The following ARHGAP24 variants were observed in gnomAD, a reference collection of about 807,000 sequenced individuals.
ARHGAP24 encodes rho GTPase-activating protein 24.
A neutral mutation model predicts 76.4 loss-of-function variants in ARHGAP24; 50 were observed. The ratio of observed to expected loss-of-function variants is 0.65; its 90% CI spans 0.52 to 0.83. ARHGAP24 has a LOEUF of 0.83. Ranked by LOEUF, ARHGAP24 falls within the 40% of genes least tolerant of loss-of-function variation. The pLI is 0.00. For missense variants in ARHGAP24, 930 were observed against 914.2 expected (o/e 1.02, Z -0.22); for synonymous variants, 345 against 323.3 (o/e 1.07, Z -0.72).
intron 3 of ARHGAP24, among the ~76,000 whole-genome samples, chr4:85,903,395 T>G (rs1168125402): frequency 6.6e-6 from 1 of 152,170 alleles, no homozygotes; most frequent in Non-Finnish European, 1.5e-5. Context: ...ATTAAAAATC[T>G]TATAGTTTGT....
chr4:85,680,224 A>T (rs924991308), intron 2 of ARHGAP24, among the ~76,000 whole-genome samples: 1 of 152,182 alleles, frequency 6.6e-6, no homozygotes, highest in Non-Finnish European at 1.5e-5. Flanking sequence ...ATATGAAACT[A>T]CCAAATTCCA....
At chr4:85,626,187 A>T (rs1373942578) in intron 2 of ARHGAP24, among the ~76,000 whole-genome samples, 3 of 152,168 alleles carry the variant, frequency 2.0e-5, no homozygotes, top group Non-Finnish European at 2.9e-5. Context: ...ACAATTTGGC[A>T]TGTTTTTGCA....
chr4:85,693,737 C>T (rs1723760229), intron 2 of ARHGAP24, among the ~76,000 whole-genome samples: 1 of 152,218 alleles, frequency 6.6e-6, no homozygotes, highest in African/African-American at 2.4e-5. Flanking sequence ...GCCTGCAGAA[C>T]AGGGAAGCTG....
chr4:85,669,931 A>AC (rs1722768296), intron 2 of ARHGAP24, among the ~76,000 whole-genome samples: 1 of 152,012 alleles, frequency 6.6e-6, no homozygotes, highest in Admixed American at 6.6e-5. Context: ...ACATGTGTCA[A>AC]CACCTCTTCT....
chr4:85,903,260 T>TA (rs1462119663), intron 3 of ARHGAP24, among the ~76,000 whole-genome samples: 1 of 152,176 alleles, frequency 6.6e-6, no homozygotes, highest in Non-Finnish European at 1.5e-5. Context: ...ATCTAAAATC[T>TA]AAAAAAATTT....
intron 3 of ARHGAP24, chr4:85,827,827 G>A: frequency 1.0e-6 from 1 of 1,003,938 alleles, no homozygotes. Flanking sequence ...ATGGAGTCAT[G>A]GGAGAAACTG....
At chr4:85,743,782 C>A in intron 3 of ARHGAP24, among the ~76,000 whole-genome samples, 1 of 147,838 alleles carries the variant, frequency 6.8e-6, no homozygotes, top group South Asian at 2.2e-4. Context: ...AGGAAACACG[C>A]CAAAACTTAA....
At chr4:85,905,752 T>G (rs1175712466) in intron 3 of ARHGAP24, among the ~76,000 whole-genome samples, 1 of 152,214 alleles carries the variant, frequency 6.6e-6, no homozygotes, top group African/African-American at 2.4e-5. Flanking sequence ...ATTGCCATAG[T>G]AGGACTGTCA....
chr4:85,742,569 C>T (rs1725865722), intron 3 of ARHGAP24, among the ~76,000 whole-genome samples: 1 of 152,148 alleles, frequency 6.6e-6, no homozygotes. Flanking sequence ...TGAATGTCTG[C>T]ATCAGATAAG....
At chr4:85,955,397 CAAAAA>C (rs1737854535) in intron 5 of ARHGAP24, among the ~76,000 whole-genome samples, 1 of 152,066 alleles carries the variant, frequency 6.6e-6, no homozygotes, top group South Asian at 2.1e-4. Flanking sequence ...CAAAACAAAA[CAAAAA>C]CTGTAACTTA....
intron 2 of ARHGAP24, among the ~76,000 whole-genome samples, chr4:85,720,179 G>T (rs1300924266): frequency 1.3e-5 from 2 of 151,888 alleles, no homozygotes; most frequent in Non-Finnish European, 1.5e-5. Context: ...CAAGTTAATG[G>T]GTGCAGCACA....
Position 85,854,088 on chromosome 4 carries a change from C to T in ARHGAP24, c.269-69560C>T, listed in dbSNP as rs1400857262. On this transcript the variant is annotated intron_variant, in intron 3 of 9. Coordinates refer to ENST00000395184, the MANE Select transcript of ARHGAP24 (RefSeq NM_001025616.3). ...AGGCTGAGGTGGAAATGAGCCAAGACCACACCATTGCCCTCCAGCATGGGT... is the reference window on the plus strand; with the variant it reads ...AGGCTGAGGTGGAAATGAGCCAAGATCACACCATTGCCCTCCAGCATGGGT... Among the ~76,000 whole-genome samples, 7 of 144,276 alleles carry T rather than the reference C, an allele frequency of 4.9e-5. No homozygotes were observed. The East Asian group carries it at 1.4e-3, about 30-fold the overall frequency. 94.7% of individuals were successfully genotyped at this position (144,276 alleles called of 152,430 possible). A position where few individuals can be genotyped will look rare whatever the true frequency, so the allele number is the denominator to read the frequency against.
intron 2 of ARHGAP24, among the ~76,000 whole-genome samples, chr4:85,684,091 T>A (rs1723333392): frequency 6.6e-6 from 1 of 152,224 alleles, no homozygotes; most frequent in South Asian, 2.1e-4. Context: ...AAGATTCTAC[T>A]TTCAATTATT....
intron 1 of ARHGAP24, 116 bp from the exon 2 acceptor site, chr4:85,570,404 TTC>T: frequency 2.6e-6 from 1 of 379,950 alleles, no homozygotes; most frequent in Non-Finnish European, 4.4e-6. Context: ...CTTTCTTTCT[TTC>T]TTTCTTTCTT....
intron 1 of ARHGAP24, among the ~76,000 whole-genome samples, chr4:85,540,096 C>A (rs1560525049): frequency 6.6e-6 from 1 of 151,528 alleles, no homozygotes; most frequent in East Asian, 1.9e-4. Context: ...AAAATAAACA[C>A]CTTATTTTTA....
chr4:85,858,085 GA>G (rs1165665457), intron 3 of ARHGAP24, among the ~76,000 whole-genome samples: 1 of 152,028 alleles, frequency 6.6e-6, no homozygotes, highest in Non-Finnish European at 1.5e-5. Flanking sequence ...AGACTTGTGA[GA>G]AAAAAATGTA....
At chr4:85,509,335 T>G (rs1035577942) in intron 1 of ARHGAP24, among the ~76,000 whole-genome samples, 3 of 151,956 alleles carry the variant, frequency 2.0e-5, no homozygotes, top group African/African-American at 7.2e-5. Flanking sequence ...CCCTAAAACT[T>G]AAAGTATAAT....
chr4:85,791,841 G>A (rs570999518), intron 3 of ARHGAP24, among the ~76,000 whole-genome samples: 3 of 152,296 alleles, frequency 2.0e-5, no homozygotes, highest in Non-Finnish European at 2.9e-5. Flanking sequence ...AATTTCAAAT[G>A]TTTTGATAGG....
intron 1 of ARHGAP24, among the ~76,000 whole-genome samples, chr4:85,525,685 T>C (rs1265874164): frequency 6.6e-6 from 1 of 152,284 alleles, no homozygotes; most frequent in African/African-American, 2.4e-5. Flanking sequence ...AGTCAGTCTT[T>C]TGGAGACTGC....
Sources: allele counts gnomAD v4.1 joint callset (sites outside exome capture counted in the v4.1 genomes callset), GRCh38; gene constraint gnomAD v4.1.1; transcripts MANE v1.5; gene names NCBI Gene and HGNC (gene_info 2026-07-23, HGNC 2026-07-21).